Variants in STT3A observed in about 807,000 individuals in gnomAD.
STT3A encodes STT3 oligosaccharyltransferase complex catalytic subunit A, also known as dolichyl-diphosphooligosaccharide--protein glycosyltransferase subunit STT3A.
In STT3A, 34 loss-of-function variants were observed where a neutral mutation model predicts 89.2. The ratio of observed to expected loss-of-function variants is 0.38; its 90% CI spans 0.29 to 0.51. The LOEUF (loss-of-function observed/expected upper bound fraction) is 0.51. Ranked by LOEUF, STT3A falls within the 20% of genes least tolerant of loss-of-function variation. The probability of loss-of-function intolerance (pLI) is 0.89; values close to 1 mark genes in which losing one functional copy is unlikely to be tolerated. For missense variants in STT3A, 555 were observed against 889.5 expected, an observed-to-expected ratio of 0.62 and a Z score of 4.78; for synonymous variants, 282 against 310.3, an observed-to-expected ratio of 0.91 and a Z score of 0.96.
chr11:125,604,103 T>C, intron 5 of STT3A, 54 bp from the exon 6 acceptor site: 2 of 1,582,898 alleles, frequency 1.3e-6, no homozygotes. Flanking sequence ...GATCCTCTGT[T>C]CTTTCTCAGC....
rs377475761 is a variant in STT3A at position 125,616,300 on chromosome 11, A to G, written c.1774+1874A>G. ...ATATACTTTAAATCATCTCTAGATG[A>G]TAATACTAATCCCTAATACTAGGTA... is the stretch of plus-strand genomic sequence containing the variant. On this transcript the variant is annotated intron_variant, in intron 15 of 17. Transcript: ENST00000392708. Among the ~76,000 whole-genome samples the G allele has an allele frequency of 4.6e-5, 7 of 152,332 alleles. No homozygotes were observed. The South Asian group carries it at 1.4e-3, about 32-fold the overall frequency.
intron 9 of STT3A, 170 bp downstream of exon 9, chr11:125,608,459 C>T (rs536174843): frequency 6.6e-5 from 37 of 558,758 alleles, no homozygotes; most frequent in Admixed American, 3.2e-4. Flanking sequence ...GGATTACAGG[C>T]GCCTGCCACC....
Position 125,614,000 on chromosome 11 carries a change from T to C in STT3A, c.1555-87T>C. ...TGATTAGTTAGCCAGGTGTCACTTC[T>C]GTCAGACCAAAGATGCCTTCTCTGT... On this transcript the variant is annotated intron_variant, in intron 13 of 17. Transcript: ENST00000392708. This position sits in a 1 kb window ranked among gnomAD's most constrained non-coding sequence, Gnocchi z 4.2. 2 of 1,187,016 alleles carry C rather than the reference T, an allele frequency of 1.7e-6. No homozygotes were observed. The allele number at this position is 1,187,016 out of a possible 1,614,324, so 73.5% of individuals were successfully genotyped here.
intron 10 of STT3A, 80 bp downstream of exon 10, chr11:125,609,669 G>A (rs755552055): frequency 5.9e-6 from 9 of 1,531,532 alleles, no homozygotes; most frequent in African/African-American, 1.4e-5. Context: ...ACCCTCATTC[G>A]TGTTTTGTTT....
In STT3A at chr11:125,621,489, ACT is replaced by A. The variant is rs1028286902; in HGVS notation, c.*682_*683del. ...TTGGTTTATCAATGGAGAGGAAGAA[ACT>A]CTTCCAGCATTACATATAGAGCTTG... is the stretch of plus-strand genomic sequence containing the variant. On this transcript the variant is annotated 3_prime_UTR_variant, in exon 18 of 18. Transcript: ENST00000392708. 2 of 152,144 alleles carry A rather than the reference ACT, an allele frequency of 1.3e-5. No individual in the cohort carries two copies. Among genetic ancestry groups the A allele is most frequent in the East Asian group, 1.9e-4 (1 of 5,196 alleles). The allele number at this position is 152,144 out of a possible 1,614,324, so 9.4% of individuals were successfully genotyped here.
At position 125,616,680 on chromosome 11, in the gene STT3A, C is replaced by G. The variant is rs1044007641; in HGVS notation, c.1775-1693C>G. Among the ~76,000 whole-genome samples the G allele has an allele frequency of 7.2e-5, 11 of 152,082 alleles. 1 individual carries two copies. Among genetic ancestry groups the G allele is most frequent in the African/African-American group, 2.7e-4 (11 of 41,400 alleles). ...TCCTTGATGCAGTTCCTATCATCATCATCATTATTGTTTTTGAGACAGAGT... is the reference window on the plus strand; with the variant it reads ...TCCTTGATGCAGTTCCTATCATCATGATCATTATTGTTTTTGAGACAGAGT... On this transcript the variant is annotated intron_variant, in intron 15 of 17. Coordinates refer to ENST00000392708, the MANE Select transcript of STT3A (RefSeq NM_152713.5).
intron 16 of STT3A, among the ~76,000 whole-genome samples, 183 bp downstream of exon 16, chr11:125,618,744 A>ATTTTTTTTTTTTTTTTTTTTTTTTTT (rs1565353087): frequency 6.6e-6 from 1 of 151,468 alleles, no homozygotes; most frequent in African/African-American, 2.4e-5. Flanking sequence ...TTGTTTGCAT[A>ATTTTTTTTTTTTTTTTTTTTTTTTTT]TTTTTTTGAG....
chr11:125,611,871 T>A (rs1050664492), intron 11 of STT3A, among the ~76,000 whole-genome samples: 18 of 110,778 alleles, frequency 1.6e-4, no homozygotes, highest in Non-Finnish European at 2.3e-4. Flanking sequence ...GAATTTTTTT[T>A]TTTTTTTTTT....
At position 125,604,141 on chromosome 11, in the gene STT3A, C is replaced by G. The variant is rs1265419969; in HGVS notation, c.418-16C>G. 1 of 1,613,302 alleles carries G rather than the reference C, an allele frequency of 6.2e-7. No individual in the cohort carries two copies. The highest frequency in any genetic ancestry group is 8.5e-7 in the Non-Finnish European group (1 of 1,179,446). On this transcript the variant is annotated splice_polypyrimidine_tract_variant and intron_variant, in intron 5 of 17. Transcript: ENST00000392708. Reference sequence around the variant, plus strand: ...TGTATTGGTGTTAATGTCTTATTACCCTTTTTTTCTTACAGGATGCAGGGG... The same window carrying G: ...TGTATTGGTGTTAATGTCTTATTACGCTTTTTTTCTTACAGGATGCAGGGG...
At chr11:125,608,606 G>A (rs1039811475) in intron 9 of STT3A, among the ~76,000 whole-genome samples, 10 of 152,244 alleles carry the variant, frequency 6.6e-5, no homozygotes, top group East Asian at 5.8e-4. Context: ...GATTACAGGC[G>A]TGAGCCACTG....
chr11:125,608,030 G>T lies in STT3A; in HGVS notation c.781-79G>T, dbSNP rs1234627456. On this transcript the variant is annotated intron_variant, in intron 8 of 17. Coordinates refer to ENST00000392708, the MANE Select transcript of STT3A (RefSeq NM_152713.5). ...TCATTTGACCATTTGGTTTGAACTA[G>T]ATAAGAATAATGCAGGCCTGCACTG... The T allele has an allele frequency of 2.8e-6, 4 of 1,438,958 alleles. No homozygotes were observed. The Admixed American group carries it at 9.9e-5, about 36-fold the overall frequency. The allele number at this position is 1,438,958 out of a possible 1,614,324, so 89.1% of individuals were successfully genotyped here. A position where few individuals can be genotyped will look rare whatever the true frequency, so the allele number is the denominator to read the frequency against.
chr11:125,596,026 C>G, intron 2 of STT3A, 23 bp downstream of exon 2: 2 of 1,548,694 alleles, frequency 1.3e-6, no homozygotes, highest in Non-Finnish European at 1.8e-6. Context: ...GTGAACCTCT[C>G]TTTCTTTGGG....
At chr11:125,598,380 T>A (rs1260589178) in intron 3 of STT3A, among the ~76,000 whole-genome samples, 1 of 152,156 alleles carries the variant, frequency 6.6e-6, no homozygotes, top group Non-Finnish European at 1.5e-5. Flanking sequence ...TATAACAAAT[T>A]TGGAGGGCCA....
chr11:125,602,655 T>C, intron 4 of STT3A, 148 bp from the exon 5 acceptor site: 2 of 1,179,630 alleles, frequency 1.7e-6, no homozygotes, highest in Non-Finnish European at 2.4e-6. Context: ...AGGGGAGAAA[T>C]TTATAGGCTT....
At chr11:125,605,118 T>G (rs201288899) in intron 6 of STT3A, among the ~76,000 whole-genome samples, 1 of 77,438 alleles carries the variant, frequency 1.3e-5, no homozygotes, top group African/African-American at 4.5e-5. Flanking sequence ...TGTTGTTGTT[T>G]TTATTTTTAT....
intron 3 of STT3A, among the ~76,000 whole-genome samples, chr11:125,601,375 C>T (rs1939671225): frequency 6.6e-6 from 1 of 152,190 alleles, no homozygotes; most frequent in Non-Finnish European, 1.5e-5. Flanking sequence ...AATCCAAGCA[C>T]TTTGTGAGGC....
chr11:125,597,136 G>A lies in STT3A; in HGVS notation c.149+17G>A, dbSNP rs774181158. 1.2e-6 allele frequency: 2 copies of A among 1,613,616 alleles called. No individual in the cohort carries two copies. Among genetic ancestry groups the A allele is most frequent in the Non-Finnish European group, 1.7e-6 (2 of 1,179,798 alleles). ...GTTTGATCCGTGAGTACCTTTGCTTGATCTGGTATTATTTCCTTTGGGAGG... is the reference window on the plus strand; with the variant it reads ...GTTTGATCCGTGAGTACCTTTGCTTAATCTGGTATTATTTCCTTTGGGAGG... On this transcript the variant is annotated intron_variant, in intron 3 of 17. Coordinates refer to ENST00000392708, the MANE Select transcript of STT3A (RefSeq NM_152713.5).
At position 125,606,303 on chromosome 11, in the gene STT3A, C is replaced by T; in HGVS notation, c.618C>T (p.Val206=). Residue 206 remains valine (V), a splice_region_variant and synonymous_variant, in exon 8 of 18, where the codon GTC becomes GTT. Transcript: ENST00000392708. The part of the protein sequence containing the change: ...AKCALAYFYM[V]SSWGGYVFLI... ...TGTTTTTTTCTATTCCATCATAGGT[C>T]TCGTCATGGGGAGGTTATGTGTTCC... The T allele has an allele frequency of 6.2e-7, 1 of 1,612,896 alleles. No homozygotes were observed. Among genetic ancestry groups the T allele is most frequent in the African/African-American group, 1.3e-5 (1 of 74,942 alleles).
rs1461066747 is a variant in STT3A at position 125,622,071 on chromosome 11, AG to A, written c.*1263del. 1 of 152,236 alleles carries A rather than the reference AG, an allele frequency of 6.6e-6. No individual in the cohort carries two copies. Among genetic ancestry groups the A allele is most frequent in the Non-Finnish European group, 1.5e-5 (1 of 68,038 alleles). 9.4% of individuals were successfully genotyped at this position (152,236 alleles called of 1,614,324 possible). ...TAACTGGGAAGCACAGTGGTCCTTG[AG>A]GACATTTAATATCAGGACAAAGAGC... On this transcript the variant is annotated 3_prime_UTR_variant, in exon 18 of 18. Transcript: ENST00000392708.
Sources: allele counts gnomAD v4.1 joint callset (sites outside exome capture counted in the v4.1 genomes callset), GRCh38; gene constraint gnomAD v4.1.1; non-coding constraint Gnocchi (gnomAD v3.1); transcripts MANE v1.5; gene names NCBI Gene and HGNC (gene_info 2026-07-23, HGNC 2026-07-21).